The following GSK3B variants were observed in gnomAD, a reference collection of about 807,000 sequenced individuals.
GSK3B encodes glycogen synthase kinase-3 beta.
Under a neutral mutation model 56.4 loss-of-function variants are expected in GSK3B, and 15 were observed. The ratio of observed to expected loss-of-function variants is 0.27; its 90% CI spans 0.18 to 0.41. GSK3B has a LOEUF of 0.41. Ranked by LOEUF, GSK3B falls within the 10% of genes least tolerant of loss-of-function variation. The pLI is 1.00. For missense variants in GSK3B, 300 were observed against 513.4 expected, an observed-to-expected ratio of 0.58 and a Z score of 4.02; for synonymous variants, 181 against 188.9, an observed-to-expected ratio of 0.96 and a Z score of 0.34.
intron 3 of GSK3B, among the ~76,000 whole-genome samples, chr3:119,933,035 T>G (rs1184195583): frequency 6.6e-6 from 1 of 151,710 alleles, no homozygotes; most frequent in Non-Finnish European, 1.5e-5. Context: ...GAGGTGGAGG[T>G]TGCAGTGATC....
intron 7 of GSK3B, among the ~76,000 whole-genome samples, chr3:119,897,375 C>A (rs191222223): frequency 1.5e-3 from 230 of 152,078 alleles, no homozygotes; most frequent in Middle Eastern, 3.4e-3. Flanking sequence ...TAGAATAATT[C>A]TTTTAATGCC....
At chr3:120,019,352 A>G (rs1256178952) in intron 1 of GSK3B, among the ~76,000 whole-genome samples, 2 of 152,196 alleles carry the variant, frequency 1.3e-5, no homozygotes, top group Non-Finnish European at 2.9e-5. Flanking sequence ...ATCCAAAACC[A>G]CTTACTGACC....
rs887096808 is a variant in GSK3B at position 119,931,643 on chromosome 3, A to G, written c.367-8160T>C. On this transcript the variant is annotated intron_variant, in intron 3 of 10. Transcript: ENST00000264235. ...AACAAAACAAAACAAAAAGAAATAA[A>G]AAAATAAAATAAAAATTTAAAAAAC... Among the ~76,000 whole-genome samples, 13 of 152,202 alleles carry G rather than the reference A, an allele frequency of 8.5e-5. No homozygotes were observed. The East Asian group carries it at 2.3e-3, about 27-fold the overall frequency.
intron 10 of GSK3B, among the ~76,000 whole-genome samples, chr3:119,842,664 T>A (rs943642217): frequency 6.6e-6 from 1 of 152,132 alleles, no homozygotes; most frequent in African/African-American, 2.4e-5. Flanking sequence ...CACTATGTTG[T>A]CCAGGATGAT....
chr3:120,063,063 T>C (rs2058251088), intron 1 of GSK3B, among the ~76,000 whole-genome samples: 1 of 152,204 alleles, frequency 6.6e-6, no homozygotes, highest in Non-Finnish European at 1.5e-5. Context: ...AAAGGTTAAC[T>C]AATAATGCTA....
chr3:119,861,787 G>T (rs989152712), intron 9 of GSK3B, among the ~76,000 whole-genome samples: 1 of 152,080 alleles, frequency 6.6e-6, no homozygotes, highest in South Asian at 2.1e-4. Context: ...CTTAGTATGC[G>T]TAAGCACACT....
intron 9 of GSK3B, among the ~76,000 whole-genome samples, chr3:119,854,802 T>G (rs1475611009): frequency 6.6e-6 from 1 of 152,220 alleles, no homozygotes; most frequent in Non-Finnish European, 1.5e-5. Context: ...TATTCGATTC[T>G]TCTCTCTTTT....
At chr3:120,084,532 C>G (rs941992782) in intron 1 of GSK3B, 3 of 152,074 alleles carry the variant, frequency 2.0e-5, no homozygotes, top group Non-Finnish European at 4.4e-5. Flanking sequence ...TATTCAACAA[C>G]TAAGGGGTGC....
chr3:119,853,594 C>T (rs139350186), intron 9 of GSK3B, among the ~76,000 whole-genome samples: 38,677 of 151,978 alleles, frequency 0.25, 5,496 homozygotes, highest in East Asian at 0.48. Flanking sequence ...TCTTTTATTT[C>T]GTTGAGCAGT....
At chr3:119,873,185 G>A (rs902144109) in intron 8 of GSK3B, among the ~76,000 whole-genome samples, 5 of 152,072 alleles carry the variant, frequency 3.3e-5, no homozygotes, top group Non-Finnish European at 7.4e-5. Context: ...CAACTTATTG[G>A]AGTTTTTAAT....
At chr3:120,064,470 C>T (rs1023737791) in intron 1 of GSK3B, among the ~76,000 whole-genome samples, 1 of 151,898 alleles carries the variant, frequency 6.6e-6, no homozygotes, top group African/African-American at 2.4e-5. Context: ...TGAAGATTTA[C>T]AAAACTTGAA....
chr3:119,831,930 G>T (rs2055607987), intron 10 of GSK3B, among the ~76,000 whole-genome samples: 1 of 152,142 alleles, frequency 6.6e-6, no homozygotes, highest in Non-Finnish European at 1.5e-5. Context: ...TGTGGGGAAG[G>T]AAAGGAAGGT....
At chr3:120,086,195 G>GAAA (rs554976616) in intron 1 of GSK3B, among the ~76,000 whole-genome samples, 1 of 134,978 alleles carries the variant, frequency 7.4e-6, no homozygotes. Context: ...TACTAAGGAG[G>GAAA]AAAAAAAAAA....
At chr3:120,044,033 T>C (rs1340995416) in intron 1 of GSK3B, among the ~76,000 whole-genome samples, 1 of 152,244 alleles carries the variant, frequency 6.6e-6, no homozygotes, top group East Asian at 1.9e-4. Context: ...GTTATGCTTG[T>C]GTGCATGGCC....
intron 9 of GSK3B, among the ~76,000 whole-genome samples, chr3:119,853,322 G>A (rs1341058152): frequency 1.3e-5 from 2 of 152,188 alleles, no homozygotes; most frequent in East Asian, 1.9e-4. Context: ...TTTGGTTACT[G>A]TAGCCTTGTA....
At chr3:119,852,541 T>A (rs1342253226) in intron 9 of GSK3B, among the ~76,000 whole-genome samples, 5 of 152,008 alleles carry the variant, frequency 3.3e-5, no homozygotes, top group Non-Finnish European at 7.4e-5. Flanking sequence ...AGAGACGGGT[T>A]TTCGCCATGT....
intron 1 of GSK3B, chr3:120,029,001 T>C (rs1576282497): frequency 1.1e-5 from 7 of 612,860 alleles, no homozygotes; most frequent in Admixed American, 2.4e-5. Flanking sequence ...CGGCCTTTTA[T>C]CCTTCTTTGT....
intron 9 of GSK3B, among the ~76,000 whole-genome samples, chr3:119,848,188 T>A (rs1436983898): frequency 6.6e-6 from 1 of 152,222 alleles, no homozygotes; most frequent in East Asian, 1.9e-4. Context: ...AAAGCATTTT[T>A]TGTTAGTTTT....
chr3:119,882,169 C>A (rs140344450), intron 7 of GSK3B, among the ~76,000 whole-genome samples: 1 of 149,132 alleles, frequency 6.7e-6, no homozygotes, highest in East Asian at 1.9e-4. Flanking sequence ...TTTTTTTTTA[C>A]TTATAACCTA....
Sources: allele counts gnomAD v4.1 joint callset (sites outside exome capture counted in the v4.1 genomes callset), GRCh38; gene constraint gnomAD v4.1.1; transcripts MANE v1.5; gene names NCBI Gene and HGNC (gene_info 2026-07-23, HGNC 2026-07-21).